Variants in PON1 observed in about 807,000 individuals in gnomAD.
PON1 encodes the protein serum paraoxonase/arylesterase 1.
In PON1, 37 loss-of-function variants were observed where a neutral mutation model predicts 39.2. The ratio of observed to expected loss-of-function variants is 0.94; its 90% CI spans 0.73 to 1.24. PON1 has a LOEUF of 1.24. Among genes scored for constraint, PON1 ranks in the 50% most tolerant of loss-of-function variants. The pLI is 0.00. For synonymous variants in PON1, 148 were observed against 152.2 expected (o/e 0.97, Z 0.21); for missense variants, 397 against 413.5 (o/e 0.96, Z 0.35).
intron 1 of PON1, among the ~76,000 whole-genome samples, chr7:95,319,572 G>A (rs1317424124): frequency 6.6e-6 from 1 of 152,168 alleles, no homozygotes; most frequent in Non-Finnish European, 1.5e-5. Flanking sequence ...ATGAATAGAT[G>A]ATGAAGGCTT....
At chr7:95,311,670 GTAGT>G (rs1807658462) in intron 4 of PON1, 93 bp from the exon 5 acceptor site, 3 of 1,305,334 alleles carry the variant, frequency 2.3e-6, no homozygotes, top group Non-Finnish European at 3.3e-6. Context: ...CCTCCAGCTA[GTAGT>G]TAGGATGTCA....
chr7:95,308,416 G>C (rs1296539891), intron 5 of PON1, among the ~76,000 whole-genome samples: 1 of 151,950 alleles, frequency 6.6e-6, no homozygotes, highest in African/African-American at 2.4e-5. Context: ...ATCTGAGGAG[G>C]TGATTATAGC....
chr7:95,324,033 TTC>T (rs1807958285), intron 1 of PON1, among the ~76,000 whole-genome samples: 1 of 152,206 alleles, frequency 6.6e-6, no homozygotes, highest in Admixed American at 6.5e-5. Flanking sequence ...AGGGGCTCCT[TTC>T]TCTAATACAC....
intron 5 of PON1, among the ~76,000 whole-genome samples, chr7:95,310,398 C>G (rs1437792476): frequency 1.3e-5 from 2 of 152,196 alleles, no homozygotes; most frequent in African/African-American, 4.8e-5. Context: ...ATTCTCCACT[C>G]AGTGACCTTA....
chr7:95,302,568 A>C (rs534965173), intron 7 of PON1, among the ~76,000 whole-genome samples: 161 of 152,314 alleles, frequency 1.1e-3, no homozygotes, highest in African/African-American at 3.5e-3. Context: ...ACAGAAAGCC[A>C]AGAAAGACTG....
At position 95,302,343 on chromosome 7, in the gene PON1, T is replaced by TTAAA. The variant is rs767794219; in HGVS notation, c.781-14_781-11dup. ...TATTAAAGTCAAGGGACTTAAAAGA[T>TTAAA]TAAAAACAAGAAAAGAACAAGACAT... On this transcript the variant is annotated splice_polypyrimidine_tract_variant and intron_variant, in intron 7 of 8. Transcript: ENST00000222381. The TTAAA allele has an allele frequency of 8.7e-6, 14 of 1,602,424 alleles. No homozygotes were observed. Among genetic ancestry groups the TTAAA allele is most frequent in the Non-Finnish European group, 1.2e-5 (14 of 1,170,746 alleles).
At chr7:95,310,850 A>T (rs1807637845) in intron 5 of PON1, among the ~76,000 whole-genome samples, 1 of 152,242 alleles carries the variant, frequency 6.6e-6, no homozygotes, top group African/African-American at 2.4e-5. Flanking sequence ...TTACAAGCCA[A>T]ATCTTCACAG....
chr7:95,302,364 G>T, intron 7 of PON1, 31 bp from the exon 8 acceptor site: 1 of 1,587,670 alleles, frequency 6.3e-7, no homozygotes, highest in Non-Finnish European at 8.6e-7. Context: ...AAAAGAACAA[G>T]ACATAAAGTA....
Position 95,306,066 on chromosome 7 carries a change from A to G in PON1, c.780+219T>C, listed in dbSNP as rs73433162. 5.0e-3 allele frequency among the ~76,000 whole-genome samples: 754 copies of G among 152,308 alleles called. 7 individuals carry two copies. The highest frequency in any genetic ancestry group is 0.017 in the African/African-American group (724 of 41,542). On this transcript the variant is annotated intron_variant, in intron 7 of 8. Transcript: ENST00000222381. ...AATTTGCTAGAGCAGAAAGAATGCA[A>G]GGTTCACGGGTAAGAGGTGGGGTTT...
chr7:95,316,618 G>A (rs1470942924), intron 3 of PON1, 116 bp downstream of exon 3: 3 of 877,848 alleles, frequency 3.4e-6, no homozygotes, highest in Middle Eastern at 2.1e-4. Flanking sequence ...TTTAAACCAT[G>A]ACTGTTCATT....
Position 95,308,355 on chromosome 7 carries a change from T to C in PON1, c.498-144A>G, listed in dbSNP as rs1469909617. ...GCTAGCTATAATGGAACACAATTAATATGAAATTAGTCCTGCCGATACAAT... is the reference window on the plus strand; with the variant it reads ...GCTAGCTATAATGGAACACAATTAACATGAAATTAGTCCTGCCGATACAAT... On this transcript the variant is annotated intron_variant, in intron 5 of 8. Transcript: ENST00000222381. 3.9e-6 allele frequency: 3 copies of C among 768,594 alleles called. No homozygotes were observed. In the Admixed American group the frequency reaches 6.1e-5, roughly 16 times the overall value. 47.6% of individuals were successfully genotyped at this position (768,594 alleles called of 1,614,324 possible). A position where few individuals can be genotyped will look rare whatever the true frequency, so the allele number is the denominator to read the frequency against.
chr7:95,324,019 C>T (rs1807957793), intron 1 of PON1, among the ~76,000 whole-genome samples: 5 of 152,328 alleles, frequency 3.3e-5, no homozygotes, highest in Admixed American at 2.0e-4. Context: ...GGCGCAGAAG[C>T]GACAGGGGCT....
At chr7:95,314,337 G>A (rs1257023199) in intron 4 of PON1, among the ~76,000 whole-genome samples, 1 of 151,886 alleles carries the variant, frequency 6.6e-6, no homozygotes, top group Non-Finnish European at 1.5e-5. Flanking sequence ...TCCAGCCTGG[G>A]AGAGAGCAAG....
chr7:95,316,444 A>G (rs1807770164), intron 3 of PON1, among the ~76,000 whole-genome samples: 1 of 152,226 alleles, frequency 6.6e-6, no homozygotes, highest in African/African-American at 2.4e-5. Flanking sequence ...TAGGGAATAG[A>G]CAATTGAGAG....
intron 2 of PON1, 26 bp downstream of exon 2, chr7:95,318,297 G>A: frequency 6.4e-7 from 1 of 1,559,262 alleles, no homozygotes; most frequent in Non-Finnish European, 8.8e-7. Flanking sequence ...GTTCAAATGA[G>A]ACCCTTCTTC....
At chr7:95,311,854 A>T (rs1807662736) in intron 4 of PON1, among the ~76,000 whole-genome samples, 2 of 152,214 alleles carry the variant, frequency 1.3e-5, no homozygotes, top group Admixed American at 1.3e-4. Context: ...AACTCCAAAG[A>T]ATCCTTTAAG....
chr7:95,303,583 G>A (rs1807477666), intron 7 of PON1, among the ~76,000 whole-genome samples: 1 of 152,132 alleles, frequency 6.6e-6, no homozygotes, highest in Admixed American at 6.5e-5. Context: ...CAATTACTGA[G>A]CTCCTACATG....
At position 95,324,493 on chromosome 7, in the gene PON1, G is replaced by A. The variant is rs1807971360; in HGVS notation, c.-18C>T. ...TTCGCCATGGTCGGGGATAGACAAAGGGATCGATGGGCGCAGACACCGACG... is the reference window on the plus strand; with the variant it reads ...TTCGCCATGGTCGGGGATAGACAAAAGGATCGATGGGCGCAGACACCGACG... On this transcript the variant is annotated 5_prime_UTR_variant, in exon 1 of 9. Coordinates refer to ENST00000222381, the MANE Select transcript of PON1 (RefSeq NM_000446.7). The A allele has an allele frequency of 6.2e-7, 1 of 1,612,310 alleles. No homozygotes were observed. Among genetic ancestry groups the A allele is most frequent in the Non-Finnish European group, 8.5e-7 (1 of 1,178,654 alleles).
At position 95,318,315 on chromosome 7, in the gene PON1, A is replaced by G. The variant is rs370804020; in HGVS notation, c.145+8T>C. The G allele has an allele frequency of 5.6e-6, 9 of 1,594,596 alleles. No homozygotes were observed. Among genetic ancestry groups the G allele is most frequent in the Non-Finnish European group, 7.7e-6 (9 of 1,162,498 alleles). ...CAAATGAGACCCTTCTTCCTCTCAC[A>G]TACATACCGATTCCTTTAACTAAAT... is the stretch of plus-strand genomic sequence containing the variant. On this transcript the variant is annotated splice_region_variant and intron_variant, in intron 2 of 8. Coordinates refer to ENST00000222381, the MANE Select transcript of PON1 (RefSeq NM_000446.7).
Sources: gnomAD v4.1 joint callset for allele counts (sites outside exome capture counted in the v4.1 genomes callset) on GRCh38, gnomAD v4.1.1 for gene constraint, MANE v1.5 for transcripts, NCBI Gene and HGNC (gene_info 2026-07-23, HGNC 2026-07-21) for gene names.